Variants in GPHN observed in about 807,000 individuals in gnomAD.
The protein encoded by GPHN is gephyrin.
A neutral mutation model predicts 95.5 loss-of-function variants in GPHN; 17 were observed. The ratio of observed to expected loss-of-function variants is 0.18; its 90% CI spans 0.12 to 0.27. GPHN has a LOEUF of 0.27. Ranked by LOEUF, GPHN falls within the 10% of genes least tolerant of loss-of-function variation. The probability of loss-of-function intolerance (pLI) is 1.00; values close to 1 mark genes in which losing one functional copy is unlikely to be tolerated. For synonymous variants in GPHN, 320 were observed against 322.5 expected (o/e 0.99, Z 0.08); for missense variants, 660 against 978.1 (o/e 0.67, Z 4.34).
intron 10 of GPHN, among the ~76,000 whole-genome samples, chr14:67,045,707 G>GTC (rs542923862): frequency 1.4e-5 from 2 of 143,592 alleles, no homozygotes; most frequent in South Asian, 2.3e-4. Context: ...CTCTGTCTCT[G>GTC]TCTCTCTCTC....
chr14:66,949,798 C>G (rs1398238549), intron 8 of GPHN, among the ~76,000 whole-genome samples: 1 of 152,026 alleles, frequency 6.6e-6, no homozygotes, highest in East Asian at 1.9e-4. Flanking sequence ...AATGTGTGCT[C>G]ATTTTTGAAT....
chr14:67,249,058 G>A, the GPHN span, among the ~76,000 whole-genome samples: 1 of 151,958 alleles, frequency 6.6e-6, no homozygotes, highest in Non-Finnish European at 1.5e-5. Flanking sequence ...TGCCTCCCGG[G>A]TTCAAGTTAT....
At chr14:67,506,962 G>A in the GPHN span, among the ~76,000 whole-genome samples, 1 of 151,564 alleles carries the variant, frequency 6.6e-6, no homozygotes, top group Non-Finnish European at 1.5e-5. Context: ...CCAGCCTGGC[G>A]ACAGGGCCAG....
intron 8 of GPHN, among the ~76,000 whole-genome samples, chr14:66,936,712 T>A (rs1013663625): frequency 6.6e-6 from 1 of 152,190 alleles, no homozygotes; most frequent in African/African-American, 2.4e-5. Flanking sequence ...AGAGAACTAG[T>A]AAGCTGTTAC....
At chr14:66,565,067 A>G (rs2060406650) in intron 1 of GPHN, among the ~76,000 whole-genome samples, 1 of 152,090 alleles carries the variant, frequency 6.6e-6, no homozygotes, top group South Asian at 2.1e-4. Flanking sequence ...ACTTCCTCCT[A>G]AAAATAAAGG....
chr14:66,857,453 C>A (rs1479369232), intron 4 of GPHN, among the ~76,000 whole-genome samples: 1 of 152,138 alleles, frequency 6.6e-6, no homozygotes, highest in East Asian at 1.9e-4. Flanking sequence ...AACAGCAGAT[C>A]ACTTACGTAG....
At chr14:66,603,633 A>C (rs1186630314) in intron 1 of GPHN, among the ~76,000 whole-genome samples, 2 of 151,934 alleles carry the variant, frequency 1.3e-5, no homozygotes, top group Admixed American at 6.6e-5. Flanking sequence ...TGGGATTTTA[A>C]TTCTTATATT....
intron 1 of GPHN, among the ~76,000 whole-genome samples, chr14:66,581,394 C>G (rs2061163809): frequency 6.6e-6 from 1 of 151,732 alleles, no homozygotes; most frequent in African/African-American, 2.4e-5. Context: ...TAACGAAAAA[C>G]TATGCTAGAT....
rs1330531841 is a variant in GPHN, at chr14:66,750,506, C to T, written c.144-25958C>T. On this transcript the variant is annotated intron_variant, in intron 2 of 22. Coordinates refer to ENST00000478722, the MANE Select transcript of GPHN (RefSeq NM_020806.5). ...CCAAAAAGATGTAGAGAGGAAAATA[C>T]ATAAATACATTAACTTAGTGGAGGT... 2.0e-5 allele frequency among the ~76,000 whole-genome samples: 3 copies of T among 152,030 alleles called. No homozygotes were observed. The East Asian group carries it at 5.8e-4, about 29-fold the overall frequency.
At chr14:67,093,471 T>G (rs1474171640) in intron 12 of GPHN, among the ~76,000 whole-genome samples, 2 of 152,106 alleles carry the variant, frequency 1.3e-5, no homozygotes, top group East Asian at 3.9e-4. Context: ...GGTTCTGCAA[T>G]TCATTTGACA....
the GPHN span, among the ~76,000 whole-genome samples, chr14:67,278,670 A>G: frequency 6.6e-6 from 1 of 152,210 alleles, no homozygotes; most frequent in African/African-American, 2.4e-5. Context: ...CTAAAAGATG[A>G]TTAAAACACC....
the GPHN span, chr14:67,587,113 C>G: frequency 6.2e-7 from 1 of 1,613,518 alleles, no homozygotes; most frequent in Non-Finnish European, 8.5e-7. Context: ...CTATATGAAC[C>G]ATTGCACTAC....
chr14:67,720,375 TTTTAAG>T, the GPHN span, among the ~76,000 whole-genome samples: 2 of 152,230 alleles, frequency 1.3e-5, no homozygotes, highest in African/African-American at 2.4e-5. Flanking sequence ...CATGCTCATT[TTTTAAG>T]TTTTAGTTTT....
At chr14:67,274,771 A>G in the GPHN span, among the ~76,000 whole-genome samples, 47 of 152,290 alleles carry the variant, frequency 3.1e-4, no homozygotes, top group Non-Finnish European at 2.9e-5. Context: ...ATGTTCTTCC[A>G]TTTGTTTGTG....
chr14:66,515,931 T>C (rs1458077328), intron 1 of GPHN, among the ~76,000 whole-genome samples: 1 of 152,200 alleles, frequency 6.6e-6, no homozygotes. Context: ...AGGAATAAGG[T>C]GCTTTTATAT....
intron 2 of GPHN, among the ~76,000 whole-genome samples, chr14:66,725,074 G>T (rs1276214683): frequency 1.3e-5 from 2 of 152,250 alleles, no homozygotes; most frequent in Admixed American, 1.3e-4. Context: ...CAATAGGACG[G>T]TGGCCTTATA....
chr14:67,442,491 G>A, the GPHN span, among the ~76,000 whole-genome samples: 5 of 152,174 alleles, frequency 3.3e-5, no homozygotes, highest in Non-Finnish European at 7.3e-5. Flanking sequence ...GCAGGCCTAA[G>A]ATAAGGAACA....
the GPHN span, among the ~76,000 whole-genome samples, chr14:67,227,914 A>T: frequency 6.6e-6 from 1 of 152,208 alleles, no homozygotes; most frequent in Non-Finnish European, 1.5e-5. Context: ...TCACGCCTAT[A>T]ATCCCAGCAC....
At chr14:66,633,509 TATAAA>T (rs1401662102) in intron 1 of GPHN, among the ~76,000 whole-genome samples, 1 of 152,214 alleles carries the variant, frequency 6.6e-6, no homozygotes, top group Non-Finnish European at 1.5e-5. Context: ...TATTGTGCTG[TATAAA>T]ATAAGTACTG....
Sources: gnomAD v4.1 joint callset for allele counts (sites outside exome capture counted in the v4.1 genomes callset) on GRCh38, gnomAD v4.1.1 for gene constraint, MANE v1.5 for transcripts, NCBI Gene and HGNC (gene_info 2026-07-23, HGNC 2026-07-21) for gene names.